ALPK2: variants seen among roughly 807,000 people sequenced by gnomAD.
The protein encoded by ALPK2 is alpha-protein kinase 2.
In ALPK2, 127 loss-of-function variants were observed where a neutral mutation model predicts 163.1. The observed-to-expected ratio is 0.78, with a 90% CI of 0.67 to 0.90. ALPK2 has a LOEUF of 0.90. Among genes scored for constraint, ALPK2 ranks in the 40% least tolerant of loss-of-function variants. The pLI is 0.00. For missense variants in ALPK2, 2,360 were observed against 2,589.6 expected, an observed-to-expected ratio of 0.91 and a Z score of 1.92; for synonymous variants, 953 against 959.1, an observed-to-expected ratio of 0.99 and a Z score of 0.12.
intron 10 of ALPK2, among the ~76,000 whole-genome samples, chr18:58,504,774 G>A (rs1315786990): frequency 6.6e-6 from 1 of 152,152 alleles, no homozygotes; most frequent in Non-Finnish European, 1.5e-5. Context: ...GGTGGAGTGG[G>A]GCAGCTGTCT....
chr18:58,535,703 A>C lies in ALPK2; in HGVS notation c.4484T>G (p.Leu1495Arg), dbSNP rs760736012. The C allele has an allele frequency of 1.2e-6, 2 of 1,614,250 alleles. No individual in the cohort carries two copies. Among genetic ancestry groups the C allele is most frequent in the African/African-American group, 1.3e-5 (1 of 75,072 alleles). The part of the protein sequence containing the change: ...EEAKTAIWQV[L>R]QPSEGGERIP... ...TCTTTCACCGCCTTCGCTGGGTTGC[A>C]GGACTTGCCAAATGGCAGTTTTTGC... Residue 1495 changes from leucine (L) to arginine (R), a missense_variant, in exon 5 of 13, where the codon CTG becomes CGG. Physicochemically the swap from Leu to Arg is moderately radical, Grantham distance 102. Coordinates refer to ENST00000361673, the MANE Select transcript of ALPK2 (RefSeq NM_052947.4).
intron 3 of ALPK2, among the ~76,000 whole-genome samples, chr18:58,596,743 C>T (rs1031560260): frequency 3.3e-5 from 5 of 152,220 alleles, no homozygotes; most frequent in African/African-American, 4.8e-5. Context: ...GGCTCTTTTG[C>T]CTGCTGCCCT....
At chr18:58,485,050 A>T (rs1373098669) in intron 12 of ALPK2, among the ~76,000 whole-genome samples, 1 of 152,204 alleles carries the variant, frequency 6.6e-6, no homozygotes. Context: ...CTCTTTGTTC[A>T]AAAAGTAGTA....
intron 12 of ALPK2, among the ~76,000 whole-genome samples, chr18:58,492,592 G>T (rs940368615): frequency 1.3e-5 from 2 of 152,182 alleles, no homozygotes; most frequent in Non-Finnish European, 2.9e-5. Context: ...CCACCAGTCT[G>T]TCCTGCAGGG....
rs751152629 is a variant in ALPK2, at chr18:58,580,204, A to G, written c.572T>C (p.Leu191Ser). Residue 191 changes from leucine (L) to serine (S), a missense_variant, in exon 4 of 13, where the codon TTG (leucine) becomes TCG (serine). Transcript: ENST00000361673. Reference sequence around the variant, plus strand: ...AGTGTGCCTTGTTCCTTTAACACCCAAAGGATTTTCAGAACTGGACACACT... The same window carrying G: ...AGTGTGCCTTGTTCCTTTAACACCCGAAGGATTTTCAGAACTGGACACACT... ...DISVSSSENP[L>S]GVKGTRHTGE... The G allele has an allele frequency of 1.9e-6, 3 of 1,614,090 alleles. No individual in the cohort carries two copies. Among genetic ancestry groups the G allele is most frequent in the Non-Finnish European group, 2.5e-6 (3 of 1,180,040 alleles).
At chr18:58,616,654 C>A (rs1217083014) in intron 1 of ALPK2, among the ~76,000 whole-genome samples, 2 of 152,198 alleles carry the variant, frequency 1.3e-5, no homozygotes, top group Admixed American at 6.5e-5. Context: ...GGTGGCACAT[C>A]CCAACTCCAT....
chr18:58,489,650 A>G (rs56239734), intron 12 of ALPK2, among the ~76,000 whole-genome samples: 17,077 of 151,962 alleles, frequency 0.11, 1,159 homozygotes, highest in Non-Finnish European at 0.16. Context: ...TCAGGACTCT[A>G]CATTCCAGCC....
intron 3 of ALPK2, among the ~76,000 whole-genome samples, chr18:58,582,441 C>T (rs1281723079): frequency 6.6e-6 from 1 of 152,204 alleles, no homozygotes; most frequent in African/African-American, 2.4e-5. Flanking sequence ...CCTTGGCCTA[C>T]CCTTGGAGAC....
At chr18:58,483,073 T>C (rs2051319840) in intron 12 of ALPK2, among the ~76,000 whole-genome samples, 2 of 152,146 alleles carry the variant, frequency 1.3e-5, no homozygotes, top group African/African-American at 2.4e-5. Flanking sequence ...CAGGTGAGCA[T>C]AGTGCCAGCC....
In ALPK2 at chr18:58,537,522, G is replaced by C; in HGVS notation, c.2665C>G (p.Leu889Val). The C allele has an allele frequency of 3.1e-6, 5 of 1,613,290 alleles. No homozygotes were observed. The highest frequency in any genetic ancestry group is 4.2e-6 in the Non-Finnish European group (5 of 1,179,316). The change falls in exon 5 of 13, where the codon CTT becomes GTT. Residue 889 changes from leucine to valine, a missense_variant. By Grantham distance (32) the Leu-to-Val change is conservative. Transcript: ENST00000361673. ...SKDGNSVMSP[L>V]FTSTFTLNIS... Reference sequence around the variant, plus strand: ...TTCAAGGTGAAAGTACTGGTAAAAAGAGGGGACATGACTGAGTTGCCGTCC... The same window carrying C: ...TTCAAGGTGAAAGTACTGGTAAAAACAGGGGACATGACTGAGTTGCCGTCC...
intron 4 of ALPK2, among the ~76,000 whole-genome samples, chr18:58,541,405 C>G (rs2051689041): frequency 1.3e-5 from 2 of 152,246 alleles, no homozygotes; most frequent in African/African-American, 4.8e-5. Context: ...CCGCATCATC[C>G]AATCACCTCC....
chr18:58,612,724 G>C (rs2052139431), intron 1 of ALPK2, among the ~76,000 whole-genome samples: 1 of 152,250 alleles, frequency 6.6e-6, no homozygotes, highest in African/African-American at 2.4e-5. Context: ...TGAATCCAGA[G>C]AACCCTTTCC....
chr18:58,501,252 T>C (rs1806503), intron 11 of ALPK2, among the ~76,000 whole-genome samples: 115,099 of 152,176 alleles, frequency 0.76, 44,343 homozygotes, highest in South Asian at 0.95. Context: ...TAACTGTGCA[T>C]GAAGCCCTGG....
At position 58,607,374 on chromosome 18, in the gene ALPK2, AAAT is replaced by A. The variant is rs1192509219; in HGVS notation, c.172_174del (p.Ile58del). 13 of 1,613,786 alleles carry A rather than the reference AAAT, an allele frequency of 8.1e-6. No homozygotes were observed. The highest frequency in any genetic ancestry group is 9.3e-6 in the Non-Finnish European group (11 of 1,179,898). On this transcript the variant is annotated inframe_deletion, in exon 3 of 13. Transcript: ENST00000361673. ...TGATTCTCAAAGAATTCATAGTTGG[AAAT>A]AATGCCACTCCCATCGATGGCCTGA...
At chr18:58,576,808 G>A (rs1012032503) in intron 4 of ALPK2, among the ~76,000 whole-genome samples, 3 of 152,194 alleles carry the variant, frequency 2.0e-5, no homozygotes, top group Non-Finnish European at 4.4e-5. Context: ...ACTCCAGGCT[G>A]CACGGAACTG....
rs762646650 is a variant in ALPK2, at chr18:58,523,828, C to G, written c.5643G>C (p.Leu1881=). The change falls in exon 8 of 13, where the codon CTG becomes CTC. Residue 1881 remains leucine (L), a synonymous_variant. Transcript: ENST00000361673. ...TACCTTTAGTATCCTGGCGACTTGACAGCTGTTTGAGAACTAGAAGAAGAC... is the reference window on the plus strand; with the variant it reads ...TACCTTTAGTATCCTGGCGACTTGAGAGCTGTTTGAGAACTAGAAGAAGAC... The part of the protein sequence containing the change: ...FNLTAEVLKQ[L]SSRQDTKGCE... The G allele has an allele frequency of 1.2e-6, 2 of 1,614,178 alleles. No homozygotes were observed. The highest frequency in any genetic ancestry group is 2.2e-5 in the South Asian group (2 of 91,082).
intron 3 of ALPK2, among the ~76,000 whole-genome samples, chr18:58,589,395 A>G (rs751411221): frequency 1.3e-5 from 2 of 152,184 alleles, no homozygotes; most frequent in African/African-American, 2.4e-5. Flanking sequence ...GATTCAGCCA[A>G]CTTAGCATGA....
chr18:58,542,399 G>T (rs1429323096), intron 4 of ALPK2, among the ~76,000 whole-genome samples: 1 of 152,222 alleles, frequency 6.6e-6, no homozygotes, highest in East Asian at 1.9e-4. Flanking sequence ...GACAGGCAGA[G>T]CCTTGAGCTA....
intron 4 of ALPK2, among the ~76,000 whole-genome samples, chr18:58,551,084 T>C (rs1260637905): frequency 1.3e-5 from 2 of 151,268 alleles, no homozygotes; most frequent in Non-Finnish European, 2.9e-5. Flanking sequence ...CCTGGGCTTC[T>C]TTAGAAGGTC....
Sources: gnomAD v4.1 joint callset for allele counts (sites outside exome capture counted in the v4.1 genomes callset) on GRCh38, gnomAD v4.1.1 for gene constraint, MANE v1.5 for transcripts, NCBI Gene and HGNC (gene_info 2026-07-23, HGNC 2026-07-21) for gene names.